CNTN5: variants seen among roughly 807,000 people sequenced by gnomAD.
CNTN5 encodes the protein contactin 5, also known as contactin-5.
A neutral mutation model predicts 129.1 loss-of-function variants in CNTN5; 77 were observed. That is an observed-to-expected ratio of 0.60 (90% CI 0.50 to 0.72). The LOEUF (loss-of-function observed/expected upper bound fraction) is 0.72. CNTN5 is among the 30% of genes least tolerant of loss of function. The pLI, the probability that CNTN5 is intolerant of heterozygous loss-of-function variation, is 0.00. For missense variants in CNTN5, 1,478 were observed against 1,328.8 expected, an observed-to-expected ratio of 1.11 and a Z score of -1.75; for synonymous variants, 509 against 465.6, an observed-to-expected ratio of 1.09 and a Z score of -1.20.
At chr11:99,201,991 G>A (rs1275013948) in intron 1 of CNTN5, among the ~76,000 whole-genome samples, 2 of 152,180 alleles carry the variant, frequency 1.3e-5, no homozygotes, top group African/African-American at 2.4e-5. Flanking sequence ...ATGCATGCGT[G>A]TTTTGCACAA....
chr11:100,187,774 A>G (rs1948347869), intron 13 of CNTN5, among the ~76,000 whole-genome samples: 1 of 152,206 alleles, frequency 6.6e-6, no homozygotes, highest in Non-Finnish European at 1.5e-5. Context: ...CTCTCACCAT[A>G]TACAATAATT....
intron 3 of CNTN5, among the ~76,000 whole-genome samples, chr11:99,692,484 C>T (rs1230917086): frequency 6.6e-6 from 1 of 152,120 alleles, no homozygotes; most frequent in Non-Finnish European, 1.5e-5. Context: ...TTCTCCTTCA[C>T]TTACAAAGCT....
rs75582803 is a variant in CNTN5, at chr11:100,293,762, A to G, written c.2315-3863A>G. Among the ~76,000 whole-genome samples the G allele has an allele frequency of 1.3e-4, 20 of 151,820 alleles. No homozygotes were observed. In the East Asian group the frequency reaches 3.9e-3, roughly 29 times the overall value. On this transcript the variant is annotated intron_variant, in intron 18 of 24. Transcript: ENST00000524871. ...TTCTCACTCCCACAAGAAAACCTTT[A>G]CCGTTTGTACATACCACTTTATCTA...
At chr11:100,053,967 G>A (rs1280701548) in intron 9 of CNTN5, among the ~76,000 whole-genome samples, 1 of 151,686 alleles carries the variant, frequency 6.6e-6, no homozygotes, top group African/African-American at 2.4e-5. Context: ...AAAATACTAC[G>A]TAGTGTATTA....
chr11:99,770,583 C>T (rs937767755), intron 3 of CNTN5, among the ~76,000 whole-genome samples: 2 of 151,796 alleles, frequency 1.3e-5, no homozygotes, highest in Non-Finnish European at 2.9e-5. Flanking sequence ...TTCAAGTTTC[C>T]TATGTATTAT....
chr11:99,259,855 T>A (rs1272976145), intron 1 of CNTN5, among the ~76,000 whole-genome samples: 1 of 151,958 alleles, frequency 6.6e-6, no homozygotes, highest in Admixed American at 6.6e-5. Context: ...AATATCTCGT[T>A]ATTTGAAATT....
At chr11:100,320,578 T>C (rs1289737435) in intron 21 of CNTN5, among the ~76,000 whole-genome samples, 1 of 152,154 alleles carries the variant, frequency 6.6e-6, no homozygotes, top group East Asian at 1.9e-4. Context: ...GTTTGTTTGT[T>C]TTTGCTTTTG....
chr11:99,687,601 A>G (rs1183744862), intron 3 of CNTN5, among the ~76,000 whole-genome samples: 2 of 152,164 alleles, frequency 1.3e-5, no homozygotes, highest in Non-Finnish European at 2.9e-5. Flanking sequence ...TAATTGCTCA[A>G]GTTACATAGT....
intron 21 of CNTN5, among the ~76,000 whole-genome samples, chr11:100,321,961 G>A (rs1247645044): frequency 1.3e-5 from 2 of 152,070 alleles, no homozygotes; most frequent in African/African-American, 2.4e-5. Context: ...GAGGGTTTTT[G>A]CATGTATATT....
chr11:99,621,877 T>C (rs899393861), intron 3 of CNTN5, among the ~76,000 whole-genome samples: 2 of 152,314 alleles, frequency 1.3e-5, no homozygotes, highest in East Asian at 3.9e-4. Context: ...TATGGCATGG[T>C]TCTATAGCAT....
chr11:99,937,992 A>G (rs1018073309), intron 7 of CNTN5, among the ~76,000 whole-genome samples: 1 of 152,222 alleles, frequency 6.6e-6, no homozygotes, highest in African/African-American at 2.4e-5. Context: ...TATTAAATAC[A>G]TATCCTGCTT....
chr11:99,839,075 G>A (rs563871072), intron 4 of CNTN5, among the ~76,000 whole-genome samples: 37 of 151,952 alleles, frequency 2.4e-4, no homozygotes, highest in Admixed American at 7.2e-4. Flanking sequence ...TGATATAAAA[G>A]GCATGTTTAC....
At chr11:99,338,932 A>ATG (rs1555115015) in intron 2 of CNTN5, among the ~76,000 whole-genome samples, 1 of 142,950 alleles carries the variant, frequency 7.0e-6, no homozygotes, top group African/African-American at 2.5e-5. Flanking sequence ...ATATATATAT[A>ATG]TATATATATA....
chr11:99,022,935 CAACTG>C (rs1200472152), intron 1 of CNTN5, among the ~76,000 whole-genome samples: 1 of 152,114 alleles, frequency 6.6e-6, no homozygotes, highest in African/African-American at 2.4e-5. Context: ...ATTCCATAGA[CAACTG>C]AACAGAAAGT....
chr11:99,734,962 A>T (rs1420395737), intron 3 of CNTN5, among the ~76,000 whole-genome samples: 1 of 152,340 alleles, frequency 6.6e-6, no homozygotes, highest in African/African-American at 2.4e-5. Flanking sequence ...GAGCCGAGAT[A>T]GCACCACTGC....
chr11:99,437,438 G>C (rs1045298915), intron 2 of CNTN5, among the ~76,000 whole-genome samples: 1 of 152,132 alleles, frequency 6.6e-6, no homozygotes, highest in East Asian at 1.9e-4. Context: ...TCTGATTAAA[G>C]TATAATTTTA....
chr11:99,227,656 A>G (rs1860763955), intron 1 of CNTN5, among the ~76,000 whole-genome samples: 1 of 152,208 alleles, frequency 6.6e-6, no homozygotes, highest in African/African-American at 2.4e-5. Flanking sequence ...TGCGTTATCA[A>G]TAATAAAGAA....
At chr11:99,490,789 C>G (rs1269171075) in intron 2 of CNTN5, among the ~76,000 whole-genome samples, 1 of 152,120 alleles carries the variant, frequency 6.6e-6, no homozygotes, top group African/African-American at 2.4e-5. Context: ...GGTTTCCTAT[C>G]TCTCATTGAT....
At chr11:99,424,533 C>T (rs994160733) in intron 2 of CNTN5, among the ~76,000 whole-genome samples, 1 of 149,894 alleles carries the variant, frequency 6.7e-6, no homozygotes, top group Non-Finnish European at 1.5e-5. Context: ...AGGCAGGCAG[C>T]TCCTGGCACT....
Sources: allele counts gnomAD v4.1 joint callset (sites outside exome capture counted in the v4.1 genomes callset), GRCh38; gene constraint gnomAD v4.1.1; transcripts MANE v1.5; gene names NCBI Gene and HGNC (gene_info 2026-07-23, HGNC 2026-07-21).